Variants in LMBRD1 observed in about 807,000 individuals in gnomAD.
LMBRD1 encodes lysosomal cobalamin transport escort protein LMBD1.
A neutral mutation model predicts 74.8 loss-of-function variants in LMBRD1; 64 were observed. The ratio of observed to expected loss-of-function variants is 0.86; its 90% CI spans 0.70 to 1.05. LMBRD1 has a LOEUF of 1.05. Among genes scored for constraint, LMBRD1 ranks in the 50% least tolerant of loss-of-function variants. LMBRD1 has a pLI of 0.00. For missense variants in LMBRD1, 652 were observed against 645.9 expected, an observed-to-expected ratio of 1.01 and a Z score of -0.10; for synonymous variants, 204 against 216.3, an observed-to-expected ratio of 0.94 and a Z score of 0.50.
At chr6:69,761,194 C>T (rs1032746811) in intron 3 of LMBRD1, among the ~76,000 whole-genome samples, 1 of 152,128 alleles carries the variant, frequency 6.6e-6, no homozygotes, top group Non-Finnish European at 1.5e-5. Flanking sequence ...GAATAAAAAT[C>T]ATTTACAGGG....
chr6:69,778,644 C>A (rs867896810), intron 3 of LMBRD1, among the ~76,000 whole-genome samples: 22 of 152,074 alleles, frequency 1.4e-4, no homozygotes, highest in Admixed American at 9.8e-4. Flanking sequence ...GACCTCCCCC[C>A]CTAAAACTTT....
intron 14 of LMBRD1, among the ~76,000 whole-genome samples, chr6:69,679,393 A>T (rs931270601): frequency 3.3e-5 from 5 of 152,112 alleles, no homozygotes; most frequent in African/African-American, 1.2e-4. Context: ...ACCACATTTT[A>T]TTCTCACTTT....
intron 9 of LMBRD1, 123 bp downstream of exon 9, chr6:69,713,522 A>T: frequency 2.0e-6 from 2 of 985,090 alleles, no homozygotes; most frequent in Non-Finnish European, 3.0e-6. Context: ...AAACCAGATT[A>T]AACCCCCAAA....
chr6:69,680,108 C>T (rs977542750), intron 14 of LMBRD1, among the ~76,000 whole-genome samples: 2 of 152,070 alleles, frequency 1.3e-5, no homozygotes, highest in Non-Finnish European at 2.9e-5. Flanking sequence ...TCAGTATCAG[C>T]ATACACTGCT....
At chr6:69,713,608 G>A (rs1350213742) in intron 9 of LMBRD1, 37 bp downstream of exon 9, 5 of 1,609,000 alleles carry the variant, frequency 3.1e-6, no homozygotes, top group South Asian at 1.1e-5. Context: ...TAAACTTGGG[G>A]AAGAGTGACA....
rs372279393 is a variant in LMBRD1 at position 69,741,788 on chromosome 6, C to T, written c.562+1G>A. 2.6e-6 allele frequency: 4 copies of T among 1,543,052 alleles called. No homozygotes were observed. The highest frequency in any genetic ancestry group is 2.2e-5 in the South Asian group (2 of 89,436). On this transcript the variant is annotated splice_donor_variant, in intron 6 of 15. Coordinates refer to ENST00000649934, the MANE Select transcript of LMBRD1 (RefSeq NM_018368.4). LOFTEE classifies it high-confidence loss of function. ...TGTTTTTTAAAAAAAACAATACTTA[C>T]GACTACTTCCAAGTTCTTCAAATAG... is the stretch of plus-strand genomic sequence containing the variant.
chr6:69,698,254 T>A (rs1270005730), intron 13 of LMBRD1, among the ~76,000 whole-genome samples: 1 of 151,936 alleles, frequency 6.6e-6, no homozygotes, highest in East Asian at 1.9e-4. Flanking sequence ...TGATTGAGGG[T>A]TGATAGGTTC....
chr6:69,688,946 G>C (rs1562084419), intron 14 of LMBRD1, among the ~76,000 whole-genome samples: 1 of 151,984 alleles, frequency 6.6e-6, no homozygotes, highest in Non-Finnish European at 1.5e-5. Context: ...TTCATTGGTA[G>C]ATAAATACCC....
chr6:69,732,279 T>C (rs1766875185), intron 7 of LMBRD1, among the ~76,000 whole-genome samples: 1 of 152,112 alleles, frequency 6.6e-6, no homozygotes, highest in African/African-American at 2.4e-5. Flanking sequence ...GTCATGAGGG[T>C]GAATCCCTTA....
intron 5 of LMBRD1, among the ~76,000 whole-genome samples, chr6:69,744,550 AACAG>A (rs773582362): frequency 1.3e-5 from 2 of 152,262 alleles, no homozygotes; most frequent in Non-Finnish European, 2.9e-5. Context: ...TCTCTTCAGA[AACAG>A]ACAAAGGAAA....
intron 4 of LMBRD1, among the ~76,000 whole-genome samples, chr6:69,751,950 C>T (rs541454568): frequency 1.4e-5 from 2 of 146,482 alleles, no homozygotes; most frequent in East Asian, 4.2e-4. Context: ...CTAGAAAGCA[C>T]TTGAAATGTG....
intron 3 of LMBRD1, among the ~76,000 whole-genome samples, chr6:69,779,441 A>C (rs1466228940): frequency 6.6e-6 from 1 of 152,162 alleles, no homozygotes; most frequent in Non-Finnish European, 1.5e-5. Flanking sequence ...TTATAATCTA[A>C]TACTGAGAAT....
At chr6:69,780,115 T>G (rs1765796905) in intron 3 of LMBRD1, among the ~76,000 whole-genome samples, 1 of 136,320 alleles carries the variant, frequency 7.3e-6, no homozygotes, top group Non-Finnish European at 1.6e-5. Flanking sequence ...GGTGGGAGGG[T>G]CCTTTTTTTT....
At chr6:69,760,785 C>T (rs967400526) in intron 3 of LMBRD1, among the ~76,000 whole-genome samples, 1 of 152,176 alleles carries the variant, frequency 6.6e-6, no homozygotes, top group East Asian at 1.9e-4. Flanking sequence ...CCTTCTCTCA[C>T]TCTGAGACGC....
intron 13 of LMBRD1, 149 bp downstream of exon 13, chr6:69,698,894 T>C: frequency 4.9e-6 from 3 of 614,736 alleles, no homozygotes; most frequent in Non-Finnish European, 8.4e-6. Context: ...ATAAATATGC[T>C]AAAAATAGAA....
chr6:69,682,233 A>G (rs1765678412), intron 14 of LMBRD1, among the ~76,000 whole-genome samples: 1 of 151,956 alleles, frequency 6.6e-6, no homozygotes, highest in Admixed American at 6.6e-5. Flanking sequence ...GTTAAATCTC[A>G]CTGGGAGATT....
In LMBRD1 at chr6:69,675,292, C is replaced by T. The variant is rs1765522426; in HGVS notation, c.*866G>A. ...TAGAATATAATTTTTTATTATTTCT[C>T]ACTATCCAGAATGTGTTCAAAATAC... On this transcript the variant is annotated 3_prime_UTR_variant, in exon 16 of 16. Coordinates refer to ENST00000649934, the MANE Select transcript of LMBRD1 (RefSeq NM_018368.4). Among the ~76,000 whole-genome samples the T allele has an allele frequency of 6.6e-6, 1 of 152,052 alleles. No individual in the cohort carries two copies. The highest frequency in any genetic ancestry group is 2.4e-5 in the African/African-American group (1 of 41,406).
At chr6:69,705,859 C>T (rs1194022400) in intron 9 of LMBRD1, 5 of 1,335,158 alleles carry the variant, frequency 3.7e-6, no homozygotes, top group African/African-American at 1.4e-5. Context: ...ACACTTCAAC[C>T]GTAAGACCAC....
At chr6:69,774,942 G>A (rs1283813549) in intron 3 of LMBRD1, among the ~76,000 whole-genome samples, 1 of 124,734 alleles carries the variant, frequency 8.0e-6, no homozygotes, top group Admixed American at 9.2e-5. Context: ...CCAAAATACA[G>A]TGAGATGGAA....
Sources: gnomAD v4.1 joint callset for allele counts (sites outside exome capture counted in the v4.1 genomes callset) on GRCh38, gnomAD v4.1.1 for gene constraint, MANE v1.5 for transcripts, NCBI Gene and HGNC (gene_info 2026-07-23, HGNC 2026-07-21) for gene names.